Variants in ARHGAP6 observed in about 807,000 individuals in gnomAD.
ARHGAP6 encodes Rho GTPase activating protein 6.
A neutral mutation model predicts 55.7 loss-of-function variants in ARHGAP6; 16 were observed. That is an observed-to-expected ratio of 0.29 (90% confidence interval 0.19 to 0.44). The LOEUF (loss-of-function observed/expected upper bound fraction) is 0.44. Among genes scored for constraint, ARHGAP6 ranks in the 20% least tolerant of loss-of-function variants. ARHGAP6 has a pLI of 1.00. For synonymous variants in ARHGAP6, 382 were observed against 360.9 expected (o/e 1.06, Z -0.66); for missense variants, 698 against 808.9 (o/e 0.86, Z 1.66).
intron 1 of ARHGAP6, among the ~76,000 whole-genome samples, chrX:11,636,163 G>GT (rs2052417028): frequency 9.0e-6 from 1 of 111,182 alleles, no homozygotes; most frequent in African/African-American, 3.3e-5. Context: ...TTATTTTAGT[G>GT]TAATTATTAA....
At chrX:11,464,521 G>GT (rs1421730055) in intron 1 of ARHGAP6, among the ~76,000 whole-genome samples, 1 of 112,251 alleles carries the variant, frequency 8.9e-6, no homozygotes, top group African/African-American at 3.2e-5. Context: ...GTTCCTGCCT[G>GT]TTTATAAAGA....
chrX:11,449,325 T>G (rs2050122324), intron 1 of ARHGAP6, among the ~76,000 whole-genome samples: 1 of 112,552 alleles, frequency 8.9e-6, no homozygotes, highest in African/African-American at 3.2e-5. Context: ...CTTTCTCAAG[T>G]GCCAGTTCAA....
rs766390832 is a variant in ARHGAP6, at chrX:11,420,881, C to T, written c.589-166174G>A. 7.5e-4 allele frequency among the ~76,000 whole-genome samples: 84 copies of T among 112,153 alleles called. 1 individual carries two copies. Among genetic ancestry groups the T allele is most frequent in the Non-Finnish European group, 1.4e-3 (73 of 53,220 alleles). On this transcript the variant is annotated intron_variant, in intron 1 of 12. Transcript: ENST00000337414. Reference sequence around the variant, plus strand: ...GCCCACGATTAACACATTTGTTAAACGGGTATTCTGGCTAAATCAGAAGAG... The same window carrying T: ...GCCCACGATTAACACATTTGTTAAATGGGTATTCTGGCTAAATCAGAAGAG...
At chrX:11,163,369 G>A (rs1158772422) in intron 9 of ARHGAP6, among the ~76,000 whole-genome samples, 1 of 111,924 alleles carries the variant, frequency 8.9e-6, no homozygotes, top group East Asian at 2.8e-4. Flanking sequence ...AAACCACTGA[G>A]AGAGAAAAGT....
intron 8 of ARHGAP6, among the ~76,000 whole-genome samples, chrX:11,176,322 T>TGC (rs2046221782): frequency 2.1e-5 from 1 of 46,769 alleles, no homozygotes; most frequent in African/African-American, 1.2e-4. Context: ...TATATATATA[T>TGC]ATATATATAT....
chrX:11,210,972 C>T (rs1313038926), intron 2 of ARHGAP6, among the ~76,000 whole-genome samples: 1 of 111,818 alleles, frequency 8.9e-6, no homozygotes, highest in Non-Finnish European at 1.9e-5. Flanking sequence ...TTAAAGTAGA[C>T]TCACAAATGG....
At chrX:11,433,205 C>A (rs1461409625) in intron 1 of ARHGAP6, among the ~76,000 whole-genome samples, 2 of 111,985 alleles carry the variant, frequency 1.8e-5, no homozygotes, top group East Asian at 5.6e-4. Flanking sequence ...TGTCTTTGGC[C>A]TCAAACCCTA....
At chrX:11,228,931 C>T (rs1953707706) in intron 2 of ARHGAP6, among the ~76,000 whole-genome samples, 1 of 112,159 alleles carries the variant, frequency 8.9e-6, no homozygotes, top group South Asian at 3.7e-4. Flanking sequence ...GACCTCGTTA[C>T]TGTGATCTGT....
chrX:11,219,566 G>T (rs1397609129), intron 2 of ARHGAP6, among the ~76,000 whole-genome samples: 26 of 94,061 alleles, frequency 2.8e-4, no homozygotes, highest in African/African-American at 6.4e-4. Flanking sequence ...CCTGACTTTT[G>T]AATGATTGCC....
intron 1 of ARHGAP6, among the ~76,000 whole-genome samples, chrX:11,441,896 TA>T (rs747908927): frequency 1.9e-5 from 2 of 108,081 alleles, no homozygotes; most frequent in East Asian, 2.9e-4. Context: ...GATGGTAACT[TA>T]AAAAAAAATC....
chrX:11,225,662 C>T, intron 2 of ARHGAP6: 1 of 575,377 alleles, frequency 1.7e-6, no homozygotes, highest in Non-Finnish European at 2.7e-6. Flanking sequence ...TAGTTTTGTG[C>T]TTCTAGAGAA....
intron 1 of ARHGAP6, among the ~76,000 whole-genome samples, chrX:11,356,302 A>G (rs1384561541): frequency 9.1e-6 from 1 of 110,212 alleles, no homozygotes. Flanking sequence ...TAGGACAAAT[A>G]CCTAATGCAC....
intron 2 of ARHGAP6, among the ~76,000 whole-genome samples, chrX:11,237,827 C>T (rs1385757599): frequency 8.9e-6 from 1 of 112,010 alleles, no homozygotes; most frequent in Non-Finnish European, 1.9e-5. Flanking sequence ...AGGGAAGTGG[C>T]CCTTTAGAAA....
intron 9 of ARHGAP6, among the ~76,000 whole-genome samples, chrX:11,165,531 T>A (rs1384666507): frequency 8.9e-6 from 1 of 111,803 alleles, no homozygotes; most frequent in African/African-American, 3.3e-5. Context: ...CTTCCTTTAA[T>A]GCCTAATATA....
At chrX:11,402,274 A>G in intron 1 of ARHGAP6, among the ~76,000 whole-genome samples, 1 of 112,059 alleles carries the variant, frequency 8.9e-6, no homozygotes, top group East Asian at 2.8e-4. Context: ...TACAAATATG[A>G]ACAAATGAGA....
chrX:11,215,520 C>T (rs996554616), intron 2 of ARHGAP6, among the ~76,000 whole-genome samples: 1 of 113,068 alleles, frequency 8.8e-6, no homozygotes, highest in African/African-American at 3.2e-5. Context: ...GCGGGCCAGC[C>T]CCACGCTTCT....
rs773617114 is a variant in ARHGAP6 at position 11,192,724 on chromosome X, T to A, written c.821-3740A>T. ...AAAAAGAACAGTGCCAGAATTGAACTCTTTCCAGATTGTATGTAGATACAT... is the reference window on the plus strand; with the variant it reads ...AAAAAGAACAGTGCCAGAATTGAACACTTTCCAGATTGTATGTAGATACAT... On this transcript the variant is annotated intron_variant, in intron 3 of 12. Coordinates refer to ENST00000337414, the MANE Select transcript of ARHGAP6 (RefSeq NM_013427.3). 1.6e-4 allele frequency among the ~76,000 whole-genome samples: 18 copies of A among 111,890 alleles called. No homozygotes were observed. In the East Asian group the frequency reaches 4.2e-3, roughly 26 times the overall value.
intron 1 of ARHGAP6, among the ~76,000 whole-genome samples, chrX:11,615,296 A>C (rs190146028): frequency 9.9e-5 from 11 of 111,528 alleles, no homozygotes; most frequent in Non-Finnish European, 1.7e-4. Context: ...CTTCCATCCA[A>C]ATACTTTCCA....
chrX:11,633,253 C>T (rs1395990483), intron 1 of ARHGAP6, among the ~76,000 whole-genome samples: 1 of 112,531 alleles, frequency 8.9e-6, no homozygotes, highest in Non-Finnish European at 1.9e-5. Context: ...CCTGGACAAA[C>T]ATGCCTTGGT....
Sources: allele counts gnomAD v4.1 joint callset (sites outside exome capture counted in the v4.1 genomes callset), GRCh38; gene constraint gnomAD v4.1.1; transcripts MANE v1.5; gene names NCBI Gene and HGNC (gene_info 2026-07-23, HGNC 2026-07-21).